LRPPRC: variants seen among roughly 807,000 people sequenced by gnomAD.
LRPPRC encodes leucine-rich PPR motif-containing protein, mitochondrial.
LRPPRC carries 120 observed loss-of-function variants against 180.3 expected under a neutral mutation model. The ratio of observed to expected loss-of-function variants is 0.67; its 90% CI spans 0.57 to 0.77. The LOEUF (loss-of-function observed/expected upper bound fraction) is 0.77. Among genes scored for constraint, LRPPRC ranks in the 30% least tolerant of loss-of-function variants. The pLI, the probability that LRPPRC is intolerant of heterozygous loss-of-function variation, is 0.00. For missense variants in LRPPRC, 2,012 were observed against 1,657.2 expected (o/e 1.21, Z -3.72); for synonymous variants, 723 against 600.0 (o/e 1.21, Z -3.00).
Position 43,974,302 on chromosome 2 carries a change from A to G in LRPPRC, c.1010-7T>C. On this transcript the variant is annotated splice_region_variant and splice_polypyrimidine_tract_variant and intron_variant, in intron 8 of 37. Transcript: ENST00000260665. ...AAAATGAGGTTCATTGCATCTGGGA[A>G]GAAAACAAAGACATCTTTTGTTAAT... The G allele has an allele frequency of 6.2e-7, 1 of 1,602,764 alleles. No individual in the cohort carries two copies. The highest frequency in any genetic ancestry group is 8.5e-7 in the Non-Finnish European group (1 of 1,169,628).
At chr2:43,952,640 A>T (rs1319307089) in intron 14 of LRPPRC, among the ~76,000 whole-genome samples, 1 of 152,154 alleles carries the variant, frequency 6.6e-6, no homozygotes, top group Non-Finnish European at 1.5e-5. Context: ...CTTAAAAGTG[A>T]CCCAGACTTT....
intron 5 of LRPPRC, among the ~76,000 whole-genome samples, chr2:43,976,555 T>C (rs1368625332): frequency 5.3e-5 from 8 of 152,148 alleles, no homozygotes; most frequent in African/African-American, 7.2e-5. Context: ...AATTATGTAT[T>C]CCAATTTATC....
rs1327766986 is a variant in LRPPRC at position 43,888,178 on chromosome 2, T to A, written c.*422A>T. The stretch of plus-strand genomic sequence containing the variant: ...TGCAGGACTTCACACATGTACGGAA[T>A]GGCTGTATCACAGAATATTATGCGT... On this transcript the variant is annotated 3_prime_UTR_variant, in exon 38 of 38. Coordinates refer to ENST00000260665, the MANE Select transcript of LRPPRC (RefSeq NM_133259.4). The A allele has an allele frequency of 4.6e-6, 1 of 218,982 alleles. No individual in the cohort carries two copies. Among genetic ancestry groups the A allele is most frequent in the Non-Finnish European group, 9.1e-6 (1 of 109,688 alleles). 13.6% of individuals were successfully genotyped at this position (218,982 alleles called of 1,614,324 possible).
intron 14 of LRPPRC, among the ~76,000 whole-genome samples, chr2:43,954,970 G>T (rs1395471574): frequency 7.2e-5 from 11 of 152,120 alleles, no homozygotes; most frequent in African/African-American, 2.4e-4. Context: ...CCTCTTACAG[G>T]TCTCTGCTTC....
chr2:43,917,994 C>G (rs765595653), intron 29 of LRPPRC, 31 bp downstream of exon 29: 25 of 1,442,484 alleles, frequency 1.7e-5, no homozygotes, highest in Admixed American at 5.1e-5. Context: ...ACCACCCCCC[C>G]ACACACACCC....
chr2:43,974,784 G>T (rs372328394), intron 7 of LRPPRC, 26 bp from the exon 8 acceptor site: 7 of 1,607,350 alleles, frequency 4.4e-6, no homozygotes, highest in African/African-American at 1.3e-5. Flanking sequence ...GAAATTAGAA[G>T]ACAAAGTTAG....
intron 5 of LRPPRC, 68 bp from the exon 6 acceptor site, chr2:43,976,297 A>G: frequency 3.5e-6 from 3 of 865,930 alleles, no homozygotes; most frequent in Non-Finnish European, 5.9e-6. Flanking sequence ...CATGTACAGA[A>G]TTAGGCCTTG....
At position 43,947,183 on chromosome 2, in the gene LRPPRC, T is replaced by C. The variant is rs118095223; in HGVS notation, c.2079+74A>G. 4.4e-6 allele frequency: 3 copies of C among 685,318 alleles called. No individual in the cohort carries two copies. In the East Asian group the frequency reaches 8.3e-5, roughly 19 times the overall value. 42.5% of individuals were successfully genotyped at this position (685,318 alleles called of 1,614,324 possible). On this transcript the variant is annotated intron_variant, in intron 20 of 37. Coordinates refer to ENST00000260665, the MANE Select transcript of LRPPRC (RefSeq NM_133259.4). ...CGATCAATTGTAAAAATCATAAATATTATATTTGGTTTTTCTTATTGTTAC... is the reference window on the plus strand; with the variant it reads ...CGATCAATTGTAAAAATCATAAATACTATATTTGGTTTTTCTTATTGTTAC...
At chr2:43,919,027 G>A (rs770510601) in intron 27 of LRPPRC, among the ~76,000 whole-genome samples, 13 of 151,928 alleles carry the variant, frequency 8.6e-5, no homozygotes, top group Non-Finnish European at 1.8e-4. Context: ...GTTAGGAACC[G>A]GGCTGCACAG....
chr2:43,937,490 G>A (rs1384396876), intron 23 of LRPPRC, among the ~76,000 whole-genome samples: 2 of 152,078 alleles, frequency 1.3e-5, no homozygotes, highest in African/African-American at 4.8e-5. Flanking sequence ...AATAAAGCTT[G>A]AAAACTTAGG....
Position 43,958,830 on chromosome 2 carries a change from G to A in LRPPRC, c.1583-1379C>T, listed in dbSNP as rs190930772. ...CGTACCAGCAATCATAGAACGAACC[G>A]CTCTTCAAAGACTTGTAAATCAAAG... On this transcript the variant is annotated intron_variant, in intron 13 of 37. Coordinates refer to ENST00000260665, the MANE Select transcript of LRPPRC (RefSeq NM_133259.4). Among the ~76,000 whole-genome samples, 31 of 152,222 alleles carry A rather than the reference G, an allele frequency of 2.0e-4. No homozygotes were observed. In the East Asian group the frequency reaches 4.8e-3, roughly 24 times the overall value.
At chr2:43,961,194 T>C (rs952379835) in intron 12 of LRPPRC, among the ~76,000 whole-genome samples, 2 of 152,164 alleles carry the variant, frequency 1.3e-5, no homozygotes, top group African/African-American at 4.8e-5. Flanking sequence ...AAATATATTT[T>C]GTGGAATTAA....
At chr2:43,981,769 A>C (rs1572576468) in intron 2 of LRPPRC, among the ~76,000 whole-genome samples, 1 of 152,212 alleles carries the variant, frequency 6.6e-6, no homozygotes, top group East Asian at 1.9e-4. Context: ...AATATAACAA[A>C]GAAAATTAAA....
intron 14 of LRPPRC, among the ~76,000 whole-genome samples, chr2:43,955,105 A>G (rs1252058513): frequency 6.6e-6 from 1 of 152,110 alleles, no homozygotes; most frequent in Non-Finnish European, 1.5e-5. Context: ...TAATTTTATA[A>G]TATGCATCTT....
At chr2:43,898,378 TATA>T (rs1354751042) in intron 34 of LRPPRC, among the ~76,000 whole-genome samples, 1 of 152,190 alleles carries the variant, frequency 6.6e-6, no homozygotes, top group Non-Finnish European at 1.5e-5. Flanking sequence ...TGTAAGGGAA[TATA>T]ATACTATTTA....
intron 29 of LRPPRC, 59 bp from the exon 30 acceptor site, chr2:43,912,617 T>C (rs1367409802): frequency 2.0e-6 from 3 of 1,499,716 alleles, no homozygotes; most frequent in African/African-American, 1.4e-5. Context: ...GCCAAAAGGA[T>C]GGAAAAAATC....
chr2:43,934,187 C>A lies in LRPPRC; in HGVS notation c.2736+3G>T. On this transcript the variant is annotated splice_donor_region_variant and intron_variant, in intron 25 of 37. Transcript: ENST00000260665. ...AATTAGAACACTGTAGTTAAAATCA[C>A]ACCTCAATGATCTTCTTGGCCTCTT... The A allele has an allele frequency of 1.3e-6, 2 of 1,541,416 alleles. No homozygotes were observed. Among genetic ancestry groups the A allele is most frequent in the East Asian group, 2.3e-5 (1 of 44,416 alleles).
chr2:43,933,936 A>AT (rs747513332), intron 25 of LRPPRC, among the ~76,000 whole-genome samples: 2 of 152,176 alleles, frequency 1.3e-5, no homozygotes, highest in East Asian at 1.9e-4. Context: ...TAATATGCAA[A>AT]TATCATTTTG....
Position 43,947,747 on chromosome 2 carries a change from T to C in LRPPRC, c.1949A>G (p.Asn650Ser). The C allele has an allele frequency of 6.3e-7, 1 of 1,584,756 alleles. No individual in the cohort carries two copies. The highest frequency in any genetic ancestry group is 8.7e-7 in the Non-Finnish European group (1 of 1,153,558). ...CCTACTTACTTTTTGAAAGTCTAAA[T>C]TCTTACTCTCAACCAACAAGTGAGC... ...KDAHLLVESK[N>S]LDFQKTVQLT... Residue 650 changes from asparagine to serine, a missense_variant, in exon 19 of 38, where the codon AAT becomes AGT. Transcript: ENST00000260665.
Sources: allele counts gnomAD v4.1 joint callset (sites outside exome capture counted in the v4.1 genomes callset), GRCh38; gene constraint gnomAD v4.1.1; transcripts MANE v1.5; gene names NCBI Gene and HGNC (gene_info 2026-07-23, HGNC 2026-07-21).